The following CCDC144A variants were observed in gnomAD, a reference collection of about 807,000 sequenced individuals.
The protein encoded by CCDC144A is coiled-coil domain-containing protein 144A.
CCDC144A carries 41 observed loss-of-function variants against 143.8 expected under a neutral mutation model. That is an observed-to-expected ratio of 0.29 (90% confidence interval 0.22 to 0.37). The LOEUF is 0.37. CCDC144A is among the 10% of genes least tolerant of loss of function. The probability of loss-of-function intolerance (pLI) is 1.00; values close to 1 mark genes in which losing one functional copy is unlikely to be tolerated. For synonymous variants in CCDC144A, 242 were observed against 517.9 expected, an observed-to-expected ratio of 0.47 and a Z score of 7.23; for missense variants, 637 against 1,488.8, an observed-to-expected ratio of 0.43 and a Z score of 9.41.
chr17:16,729,443 A>T (rs1283063112), intron 9 of CCDC144A, among the ~76,000 whole-genome samples: 1 of 151,776 alleles, frequency 6.6e-6, no homozygotes, highest in Non-Finnish European at 1.5e-5. Flanking sequence ...GATTATTTGC[A>T]TTTTCTTGCT....
intron 12 of CCDC144A, among the ~76,000 whole-genome samples, chr17:16,759,425 G>A (rs1245491749): frequency 7.9e-5 from 12 of 152,158 alleles, no homozygotes; most frequent in African/African-American, 2.9e-4. Context: ...GTCAAGGACT[G>A]TCTATATTTG....
intron 12 of CCDC144A, among the ~76,000 whole-genome samples, chr17:16,754,546 C>T (rs1180564018): frequency 6.6e-6 from 1 of 152,130 alleles, no homozygotes; most frequent in Non-Finnish European, 1.5e-5. Context: ...GTTTAATTTC[C>T]GTGCATTTGT....
rs1360018250 is a variant in CCDC144A at position 16,690,679 on chromosome 17, C to T, written c.279C>T (p.Val93=). 7 of 1,613,780 alleles carry T rather than the reference C, an allele frequency of 4.3e-6. No homozygotes were observed. The highest frequency in any genetic ancestry group is 5.9e-6 in the Non-Finnish European group (7 of 1,179,800). The stretch of plus-strand genomic sequence containing the variant: ...ACAGAGCTGCCCGGTCGGGCGACGT[C>T]CCTGGGGTGGAGCACATCTTAGCTC... ...ELHRAARSGD[V]PGVEHILAPG... is the part of the protein sequence containing the mutation. The change falls in exon 1 of 17, where the codon GTC becomes GTT. Residue 93 remains valine, a synonymous_variant. Transcript: ENST00000399273.
chr17:16,678,751 G>GTTTTTTT, the CCDC144A span, among the ~76,000 whole-genome samples: 12 of 78,048 alleles, frequency 1.5e-4, no homozygotes, highest in Non-Finnish European at 2.3e-4. Flanking sequence ...TGGCTAATTT[G>GTTTTTTT]TTTTTTTTTT....
chr17:16,751,085 G>A (rs1002525672), intron 12 of CCDC144A, among the ~76,000 whole-genome samples: 1 of 152,154 alleles, frequency 6.6e-6, no homozygotes, highest in African/African-American at 2.4e-5. Flanking sequence ...ATTTTTTGGA[G>A]GTAATGAAAT....
chr17:16,745,645 C>T, intron 12 of CCDC144A: 1 of 1,588,570 alleles, frequency 6.3e-7, no homozygotes. Context: ...TCTGCCTCTT[C>T]CCTCTTCTCA....
the CCDC144A span, among the ~76,000 whole-genome samples, chr17:16,680,491 T>G: frequency 1.3e-5 from 2 of 151,214 alleles, no homozygotes; most frequent in Admixed American, 6.6e-5. Context: ...AAAATTTAAG[T>G]GAGTCTTGTT....
chr17:16,707,859 G>A lies in CCDC144A; in HGVS notation c.738+317G>A, dbSNP rs2621610. ...TCAATTATTGACATATTATTAAGCAGCAGAAATTATGAACAATTTAACAGT... is the reference window on the plus strand; with the variant it reads ...TCAATTATTGACATATTATTAAGCAACAGAAATTATGAACAATTTAACAGT... On this transcript the variant is annotated intron_variant, in intron 4 of 16. Transcript: ENST00000399273. Among the ~76,000 whole-genome samples the A allele has an allele frequency of 3.8e-3, 583 of 152,294 alleles. 6 individuals carry two copies. The highest frequency in any genetic ancestry group is 0.013 in the African/African-American group (555 of 41,560).
rs1434863157 is a variant in CCDC144A at position 16,776,539 on chromosome 17, G to A, written c.*2906G>A. On this transcript the variant is annotated 3_prime_UTR_variant, in exon 17 of 17. Transcript: ENST00000399273. ...GTGTATAGGAATGCTAGTGACTTTTGCACATTGATTTTGTATCCTGAGACT... is the reference window on the plus strand; with the variant it reads ...GTGTATAGGAATGCTAGTGACTTTTACACATTGATTTTGTATCCTGAGACT... 2.0e-5 allele frequency: 3 copies of A among 152,206 alleles called. No individual in the cohort carries two copies. Among genetic ancestry groups the A allele is most frequent in the Non-Finnish European group, 4.4e-5 (3 of 68,048 alleles). The allele number at this position is 152,206 out of a possible 1,614,324, so 9.4% of individuals were successfully genotyped here.
chr17:16,709,046 T>C lies in CCDC144A; in HGVS notation c.989T>C (p.Val330Ala). 1 of 1,611,724 alleles carries C rather than the reference T, an allele frequency of 6.2e-7. No individual in the cohort carries two copies. The highest frequency in any genetic ancestry group is 8.5e-7 in the Non-Finnish European group (1 of 1,179,658). ...LLDNSTRGTD[V>A]KDIPFNLTNN... Reference sequence around the variant, plus strand: ...GATAACTCTACAAGAGGAACAGATGTAAAGGATATTCCCTTTAATTTGACA... The same window carrying C: ...GATAACTCTACAAGAGGAACAGATGCAAAGGATATTCCCTTTAATTTGACA... The change falls in exon 5 of 17, where the codon GTA becomes GCA. Residue 330 changes from valine to alanine, a missense_variant. By Grantham distance (64) the Val-to-Ala change is moderately conservative. Coordinates refer to ENST00000399273, the MANE Select transcript of CCDC144A (RefSeq NM_001382000.1).
At chr17:16,731,424 A>G (rs1913735838) in intron 9 of CCDC144A, 2 of 201,150 alleles carry the variant, frequency 9.9e-6, no homozygotes, top group Non-Finnish European at 1.0e-5. Context: ...GTAAACAGTA[A>G]CTTCTTTTAA....
intron 13 of CCDC144A, among the ~76,000 whole-genome samples, chr17:16,761,920 T>C (rs1455285469): frequency 6.6e-6 from 1 of 152,264 alleles, no homozygotes; most frequent in Non-Finnish European, 1.5e-5. Context: ...ATAAGAATAA[T>C]TCTCACTAGA....
In CCDC144A at chr17:16,775,552, G is replaced by A. The variant is rs1201522678; in HGVS notation, c.*1919G>A. ...TTTGACCACTTTCTAATGGGGTTGAGTTTTTTTTTCTTGTAAATTTGTTTA... is the reference window on the plus strand; with the variant it reads ...TTTGACCACTTTCTAATGGGGTTGAATTTTTTTTTCTTGTAAATTTGTTTA... On this transcript the variant is annotated 3_prime_UTR_variant, in exon 17 of 17. Transcript: ENST00000399273. 6.6e-6 allele frequency: 1 copy of A among 152,014 alleles called. No individual in the cohort carries two copies. The highest frequency in any genetic ancestry group is 1.5e-5 in the Non-Finnish European group (1 of 67,996). The allele number at this position is 152,014 out of a possible 1,614,324, so 9.4% of individuals were successfully genotyped here.
At chr17:16,729,063 G>A (rs1913575219) in intron 9 of CCDC144A, among the ~76,000 whole-genome samples, 1 of 152,114 alleles carries the variant, frequency 6.6e-6, no homozygotes, top group Middle Eastern at 3.4e-3. Flanking sequence ...GTTTGCAGGT[G>A]TTTTTTTTGA....
chr17:16,694,500 T>C (rs1259980795), intron 2 of CCDC144A, among the ~76,000 whole-genome samples: 5 of 152,004 alleles, frequency 3.3e-5, no homozygotes, highest in Non-Finnish European at 1.5e-5. Flanking sequence ...GGAGGATCGC[T>C]TGAGCCTGGG....
Position 16,708,842 on chromosome 17 carries a change from A to T in CCDC144A, c.785A>T (p.Asp262Val). Residue 262 changes from aspartate to valine, a missense_variant, in exon 5 of 17, where the codon GAT (aspartate) becomes GTT (valine). Coordinates refer to ENST00000399273, the MANE Select transcript of CCDC144A (RefSeq NM_001382000.1). Reference protein sequence around the residue: ...PEMAKDCDREDIPIYPVLPHV... With the variant: ...PEMAKDCDREVIPIYPVLPHV... Reference sequence around the variant, plus strand: ...ATGGCTAAGGATTGCGATAGAGAGGATATACCTATATATCCAGTACTTCCT... The same window carrying T: ...ATGGCTAAGGATTGCGATAGAGAGGTTATACCTATATATCCAGTACTTCCT... 6.2e-7 allele frequency: 1 copy of T among 1,611,900 alleles called. No homozygotes were observed.
At chr17:16,769,353 T>C (rs543232423) in intron 15 of CCDC144A, among the ~76,000 whole-genome samples, 1,644 of 152,240 alleles carry the variant, frequency 0.011, 8 homozygotes, top group Non-Finnish European at 0.016. Context: ...AAAATGAAGG[T>C]TCTCCTATCA....
At chr17:16,678,320 C>G in the CCDC144A span, among the ~76,000 whole-genome samples, 1 of 152,008 alleles carries the variant, frequency 6.6e-6, no homozygotes, top group Non-Finnish European at 1.5e-5. Context: ...AAATTCCAGG[C>G]ACCCAGCTGG....
intron 6 of CCDC144A, among the ~76,000 whole-genome samples, chr17:16,717,086 C>A (rs1331963023): frequency 2.0e-4 from 30 of 150,170 alleles, no homozygotes; most frequent in African/African-American, 6.6e-4. Flanking sequence ...CAGGCGTGAG[C>A]CACCGCGCTC....
Sources: allele counts gnomAD v4.1 joint callset (sites outside exome capture counted in the v4.1 genomes callset), GRCh38; gene constraint gnomAD v4.1.1; transcripts MANE v1.5; gene names NCBI Gene and HGNC (gene_info 2026-07-23, HGNC 2026-07-21).